Variants in RELN observed in about 807,000 individuals in gnomAD.
RELN encodes the protein reelin.
A neutral mutation model predicts 427.6 loss-of-function variants in RELN; 108 were observed. The observed-to-expected ratio is 0.25, with a 90% confidence interval of 0.22 to 0.30. RELN has a LOEUF of 0.30. RELN is among the 10% of genes least tolerant of loss of function. The pLI, the probability that RELN is intolerant of heterozygous loss-of-function variation, is 1.00. For missense variants in RELN, 3,715 were observed against 4,302.8 expected (o/e 0.86, Z 3.82); for synonymous variants, 1,524 against 1,513.4 (o/e 1.01, Z -0.16).
At chr7:103,973,609 A>G (rs1796808818) in intron 1 of RELN, among the ~76,000 whole-genome samples, 1 of 152,136 alleles carries the variant, frequency 6.6e-6, no homozygotes, top group South Asian at 2.1e-4. Flanking sequence ...CATAACGTTT[A>G]TAACACTGAA....
At position 103,497,906 on chromosome 7, in the gene RELN, C is replaced by T; in HGVS notation, c.8864G>A (p.Arg2955His). ...GGTCATGTTGTTCTCACTACCGATG[C>T]GCCCCCAGTATTGCAGGAACCTGAA... Reference protein sequence around the residue: ...RGAKFLQYWGRIGSENNMTSC... With the variant: ...RGAKFLQYWGHIGSENNMTSC... Residue 2955 changes from arginine to histidine, a missense_variant, in exon 55 of 65, where the codon CGC (arginine) becomes CAC (histidine). Transcript: ENST00000428762. 1.2e-6 allele frequency: 2 copies of T among 1,614,078 alleles called. No homozygotes were observed. Among genetic ancestry groups the T allele is most frequent in the Non-Finnish European group, 1.7e-6 (2 of 1,179,976 alleles).
intron 27 of RELN, among the ~76,000 whole-genome samples, chr7:103,591,270 A>G (rs1831409939): frequency 6.6e-6 from 1 of 152,220 alleles, no homozygotes; most frequent in South Asian, 2.1e-4. Flanking sequence ...TCTGATTTTT[A>G]GAAGGAAAAT....
intron 25 of RELN, among the ~76,000 whole-genome samples, chr7:103,594,805 C>G (rs940505347): frequency 6.6e-6 from 1 of 152,026 alleles, no homozygotes; most frequent in Non-Finnish European, 1.5e-5. Context: ...AAAGAAATAT[C>G]AAGATAAAAT....
rs532033316 is a variant in RELN at position 103,589,806 on chromosome 7, T to C, written c.3935A>G (p.Gln1312Arg). The C allele has an allele frequency of 6.2e-7, 1 of 1,608,890 alleles. No homozygotes were observed. The highest frequency in any genetic ancestry group is 2.2e-5 in the East Asian group (1 of 44,840). The change falls in exon 28 of 65, where the codon CAA (glutamine) becomes CGA (arginine). Residue 1312 changes from glutamine (Q) to arginine (R), a missense_variant. This residue lies in a region of RELN where 2,208 missense variants were observed against 2,361.7 expected (regional missense o/e 0.93). Transcript: ENST00000428762. ...QFKLNIGCAN[Q>R]FSSTAPVLLQ... is the part of the protein sequence containing the mutation. ...AAGAACTGGAGCAGTACTGCTGAAT[T>C]GATTGGCACAACCTATGTTTAGCTG... is the stretch of plus-strand genomic sequence containing the variant.
intron 49 of RELN, among the ~76,000 whole-genome samples, chr7:103,516,172 C>A (rs973141734): frequency 1.3e-5 from 2 of 151,894 alleles, no homozygotes; most frequent in African/African-American, 2.4e-5. Context: ...CCTTTAATCA[C>A]AATTATACAT....
intron 2 of RELN, among the ~76,000 whole-genome samples, chr7:103,872,326 T>C (rs1313115623): frequency 7.2e-6 from 1 of 138,726 alleles, no homozygotes. Flanking sequence ...TGGTTTTTTG[T>C]TCTTGCGATA....
chr7:103,493,909 ACT>A (rs762864292), intron 57 of RELN, among the ~76,000 whole-genome samples: 6 of 151,908 alleles, frequency 3.9e-5, no homozygotes, highest in South Asian at 2.1e-4. Context: ...TTGAGGATAG[ACT>A]CTCTTTTTTT....
At chr7:103,907,426 A>AGG (rs1223421130) in intron 2 of RELN, among the ~76,000 whole-genome samples, 13 of 148,904 alleles carry the variant, frequency 8.7e-5, no homozygotes, top group African/African-American at 3.0e-4. Context: ...AAAAAAAAAA[A>AGG]AAAAAAAAAA....
intron 2 of RELN, among the ~76,000 whole-genome samples, chr7:103,899,368 G>A (rs577907079): frequency 2.6e-5 from 4 of 152,052 alleles, no homozygotes; most frequent in Non-Finnish European, 5.9e-5. Flanking sequence ...GAGGTACAAC[G>A]AGGAACTGGT....
At chr7:103,675,749 C>A (rs956331447) in intron 11 of RELN, among the ~76,000 whole-genome samples, 1 of 152,222 alleles carries the variant, frequency 6.6e-6, no homozygotes, top group Non-Finnish European at 1.5e-5. Flanking sequence ...CTACAACCAT[C>A]TGGTCTTTGA....
chr7:103,919,863 ACATGATTTT>A (rs1391291944), intron 1 of RELN, among the ~76,000 whole-genome samples: 1 of 152,226 alleles, frequency 6.6e-6, no homozygotes, highest in African/African-American at 2.4e-5. Context: ...ATAATATGGG[ACATGATTTT>A]AAAAACTGAG....
intron 50 of RELN, chr7:103,513,007 A>C (rs1829466020): frequency 6.6e-6 from 1 of 152,218 alleles, no homozygotes. Context: ...AGTTACTGCA[A>C]TTCCATTATC....
At chr7:103,635,727 T>A in intron 18 of RELN, 141 bp from the exon 19 acceptor site, 1 of 684,990 alleles carries the variant, frequency 1.5e-6, no homozygotes, top group South Asian at 1.8e-5. Context: ...GTTAGATATA[T>A]GAATATGTGT....
intron 10 of RELN, among the ~76,000 whole-genome samples, chr7:103,693,936 T>C (rs1833924592): frequency 1.3e-5 from 2 of 152,154 alleles, no homozygotes; most frequent in Non-Finnish European, 1.5e-5. Flanking sequence ...TTTTCTTCCT[T>C]AAATACACAA....
intron 1 of RELN, among the ~76,000 whole-genome samples, chr7:103,929,413 C>T (rs1325855810): frequency 6.6e-6 from 1 of 152,042 alleles, no homozygotes; most frequent in African/African-American, 2.4e-5. Context: ...CTAGACTTTC[C>T]CACCACCAAA....
At chr7:103,987,944 C>T (rs73405688) in intron 1 of RELN, among the ~76,000 whole-genome samples, 13,648 of 152,076 alleles carry the variant, frequency 0.09, 880 homozygotes, top group African/African-American at 0.18. Context: ...TAATAGATAT[C>T]AAGGTTTTTT....
intron 52 of RELN, among the ~76,000 whole-genome samples, chr7:103,502,021 G>A (rs1252159100): frequency 2.0e-5 from 3 of 152,144 alleles, no homozygotes; most frequent in Admixed American, 2.0e-4. Flanking sequence ...CCAGTGCCGT[G>A]GACAGCAGAT....
At chr7:103,559,028 T>C (rs952795940) in intron 36 of RELN, among the ~76,000 whole-genome samples, 3 of 152,240 alleles carry the variant, frequency 2.0e-5, no homozygotes, top group Non-Finnish European at 4.4e-5. Context: ...ATAGCAACCA[T>C]ATATTGAGTG....
intron 6 of RELN, among the ~76,000 whole-genome samples, chr7:103,731,175 G>GT (rs1042415402): frequency 6.6e-6 from 1 of 152,150 alleles, no homozygotes; most frequent in African/African-American, 2.4e-5. Flanking sequence ...GACTGGGGAA[G>GT]TAAGAGAAAG....
Sources: allele counts gnomAD v4.1 joint callset (sites outside exome capture counted in the v4.1 genomes callset), GRCh38; gene constraint gnomAD v4.1.1; regional missense constraint gnomAD v4.1.1; transcripts MANE v1.5; gene names NCBI Gene and HGNC (gene_info 2026-07-23, HGNC 2026-07-21).